The following KLHL32 variants were observed in gnomAD, a reference collection of about 807,000 sequenced individuals.
KLHL32 encodes kelch-like protein 32.
KLHL32 carries 35 observed loss-of-function variants against 64.8 expected under a neutral mutation model. The ratio of observed to expected loss-of-function variants is 0.54; its 90% CI spans 0.41 to 0.72. KLHL32 has a LOEUF of 0.72. Among genes scored for constraint, KLHL32 ranks in the 30% least tolerant of loss-of-function variants. The pLI is 0.00. For synonymous variants in KLHL32, 259 were observed against 281.0 expected, an observed-to-expected ratio of 0.92 and a Z score of 0.78; for missense variants, 589 against 768.5, an observed-to-expected ratio of 0.77 and a Z score of 2.76.
At chr6:97,057,217 T>C (rs1322727858) in intron 4 of KLHL32, among the ~76,000 whole-genome samples, 2 of 74,414 alleles carry the variant, frequency 2.7e-5, no homozygotes, top group East Asian at 4.5e-4. Context: ...GGAGTTTCGC[T>C]CTGTCGCCCA....
chr6:97,087,339 A>G (rs1266725799), intron 6 of KLHL32, among the ~76,000 whole-genome samples: 3 of 152,334 alleles, frequency 2.0e-5, no homozygotes, highest in East Asian at 3.9e-4. Context: ...TAGTAATGCA[A>G]TATACCATGG....
At chr6:97,121,357 G>T (rs1798346656) in intron 7 of KLHL32, among the ~76,000 whole-genome samples, 1 of 152,206 alleles carries the variant, frequency 6.6e-6, no homozygotes, top group African/African-American at 2.4e-5. Context: ...GAAAGTAAAT[G>T]ATACACAGAA....
upstream of KLHL32, among the ~76,000 whole-genome samples, chr6:96,919,980 G>T (rs922692830): frequency 6.6e-6 from 1 of 152,168 alleles, no homozygotes; most frequent in African/African-American, 2.4e-5. Flanking sequence ...AACCGAATTT[G>T]CTTCTTGATG....
intron 3 of KLHL32, among the ~76,000 whole-genome samples, chr6:97,000,357 T>TACATTTAC (rs2128076963): frequency 6.6e-6 from 1 of 152,330 alleles, no homozygotes; most frequent in Admixed American, 6.5e-5. Flanking sequence ...GTAAATGAAC[T>TACATTTAC]ACATTGTTAC....
intron 1 of KLHL32, among the ~76,000 whole-genome samples, chr6:96,965,222 T>C (rs891689014): frequency 2.0e-5 from 3 of 152,194 alleles, no homozygotes; most frequent in Non-Finnish European, 4.4e-5. Flanking sequence ...ATGGTATATA[T>C]GAACCATATT....
chr6:97,071,998 A>G (rs912561801), intron 5 of KLHL32, among the ~76,000 whole-genome samples: 3 of 152,100 alleles, frequency 2.0e-5, no homozygotes, highest in Non-Finnish European at 4.4e-5. Context: ...TGTCTCTATA[A>G]TGTACCCTAT....
intron 6 of KLHL32, among the ~76,000 whole-genome samples, chr6:97,092,661 T>C (rs531933327): frequency 6.6e-6 from 1 of 152,208 alleles, no homozygotes; most frequent in Non-Finnish European, 1.5e-5. Context: ...TTTCAGGGAT[T>C]GGTGCTCCTA....
intron 1 of KLHL32, among the ~76,000 whole-genome samples, chr6:96,936,421 T>C (rs1717811713): frequency 6.6e-6 from 1 of 152,188 alleles, no homozygotes; most frequent in Non-Finnish European, 1.5e-5. Context: ...TTTTTTTCCT[T>C]CAAGCCTACC....
intron 5 of KLHL32, among the ~76,000 whole-genome samples, chr6:97,077,175 G>A (rs1791725195): frequency 6.6e-6 from 1 of 152,160 alleles, no homozygotes; most frequent in African/African-American, 2.4e-5. Context: ...GGAGTGGCCT[G>A]CCTTTCCCTG....
In KLHL32 at chr6:96,976,084, T is replaced by C. The variant is rs151032702; in HGVS notation, c.111T>C (p.Ser37=). The C allele has an allele frequency of 7.5e-5, 120 of 1,608,784 alleles. 1 individual carries two copies. In the Middle Eastern group the frequency reaches 1.2e-3, roughly 16 times the overall value. Residue 37 remains serine, a synonymous_variant, in exon 3 of 11, where the codon AGT becomes AGC. Transcript: ENST00000369261. ...TGGCAGCGCTGAATCAGCAGAGGAG[T>C]GATGGCATCCTCTGCGACATCACCC... ...SVLAALNQQR[S]DGILCDITLI... is the part of the protein sequence containing the mutation.
Position 96,999,579 on chromosome 6 carries a change from CCTG to C in KLHL32, c.204+23405_204+23407del, listed in dbSNP as rs779067634. 5 of 944,778 alleles carry C rather than the reference CCTG, an allele frequency of 5.3e-6. No homozygotes were observed. In the African/African-American group the frequency reaches 7.1e-5, roughly 13 times the overall value. 58.5% of individuals were successfully genotyped at this position (944,778 alleles called of 1,614,324 possible). ...ATCCAGGTATTAGGACCATTTTTTC[CCTG>C]CTATTTTCTTTTTCTGATGACAACT... On this transcript the variant is annotated intron_variant, in intron 3 of 10. Transcript: ENST00000369261.
chr6:96,947,134 T>C (rs1005333265), intron 1 of KLHL32, among the ~76,000 whole-genome samples: 1 of 152,176 alleles, frequency 6.6e-6, no homozygotes, highest in African/African-American at 2.4e-5. Context: ...AATAGTAAAA[T>C]GAAACAAACA....
chr6:96,904,138 T>C, the KLHL32 span, among the ~76,000 whole-genome samples: 1 of 151,960 alleles, frequency 6.6e-6, no homozygotes, highest in East Asian at 1.9e-4. Context: ...GGTCAGGAGA[T>C]TGAGACCAGC....
chr6:97,077,367 A>T (rs1791763069), intron 5 of KLHL32, among the ~76,000 whole-genome samples: 1 of 152,222 alleles, frequency 6.6e-6, no homozygotes, highest in Non-Finnish European at 1.5e-5. Flanking sequence ...AAGGAAAATT[A>T]ATGTGAATTC....
intron 2 of KLHL32, among the ~76,000 whole-genome samples, chr6:96,972,548 G>A (rs1454111623): frequency 6.6e-6 from 1 of 152,196 alleles, no homozygotes; most frequent in Non-Finnish European, 1.5e-5. Flanking sequence ...TGCACTCACT[G>A]ATGAATTTTG....
intron 3 of KLHL32, among the ~76,000 whole-genome samples, chr6:97,012,549 T>G (rs925795178): frequency 6.6e-6 from 1 of 152,222 alleles, no homozygotes; most frequent in Non-Finnish European, 1.5e-5. Flanking sequence ...AAAATAGATT[T>G]GTGTTGTTTT....
chr6:96,935,214 C>T (rs1047041134), intron 1 of KLHL32, among the ~76,000 whole-genome samples: 1 of 152,106 alleles, frequency 6.6e-6, no homozygotes, highest in Non-Finnish European at 1.5e-5. Context: ...CTTAGGTTTG[C>T]CTGTCTATGG....
chr6:96,945,665 G>A (rs922399894), intron 1 of KLHL32, among the ~76,000 whole-genome samples: 1 of 152,168 alleles, frequency 6.6e-6, no homozygotes, highest in African/African-American at 2.4e-5. Context: ...GGTGACTTGG[G>A]CAGCACTGGC....
rs1303581726 is a variant in KLHL32 at position 96,931,825 on chromosome 6, C to T, written c.-66+6799C>T. Reference sequence around the variant, plus strand: ...TATGGTAGCCGAGATGACATCAGTGCCAAGTCTTTTGTCTGCATCACATTC... The same window carrying T: ...TATGGTAGCCGAGATGACATCAGTGTCAAGTCTTTTGTCTGCATCACATTC... On this transcript the variant is annotated intron_variant, in intron 1 of 10. Transcript: ENST00000369261. 2.6e-5 allele frequency among the ~76,000 whole-genome samples: 4 copies of T among 152,128 alleles called. No homozygotes were observed. The East Asian group carries it at 7.7e-4, about 29-fold the overall frequency.
Sources: gnomAD v4.1 joint callset for allele counts (sites outside exome capture counted in the v4.1 genomes callset) on GRCh38, gnomAD v4.1.1 for gene constraint, MANE v1.5 for transcripts, NCBI Gene and HGNC (gene_info 2026-07-23, HGNC 2026-07-21) for gene names.